The following WWTR1 variants were observed in gnomAD, a reference collection of about 807,000 sequenced individuals.
The protein encoded by WWTR1 is WW domain-containing transcription regulator protein 1.
In WWTR1, 13 loss-of-function variants were observed where a neutral mutation model predicts 40.1. The observed-to-expected ratio is 0.32, with a 90% CI of 0.21 to 0.52. The LOEUF (loss-of-function observed/expected upper bound fraction) is 0.52. WWTR1 is among the 20% of genes least tolerant of loss of function. WWTR1 has a pLI of 0.97. For missense variants in WWTR1, 436 were observed against 523.1 expected, an observed-to-expected ratio of 0.83 and a Z score of 1.63; for synonymous variants, 230 against 210.1, an observed-to-expected ratio of 1.09 and a Z score of -0.82.
intron 4 of WWTR1, chr3:149,540,300 C>T (rs77792453): frequency 0.032 from 14,839 of 456,634 alleles, 315 homozygotes; most frequent in Non-Finnish European, 0.048. Context: ...TAATATGAAC[C>T]ATCAGTACTA....
chr3:149,650,877 C>T (rs1712827841), intron 2 of WWTR1, among the ~76,000 whole-genome samples: 1 of 152,186 alleles, frequency 6.6e-6, no homozygotes, highest in African/African-American at 2.4e-5. Flanking sequence ...ACTCCAGATC[C>T]AGGTTGTCCC....
intron 3 of WWTR1, among the ~76,000 whole-genome samples, chr3:149,557,061 C>CTTTTTT (rs3044118): frequency 0.016 from 1,053 of 64,350 alleles, 239 homozygotes; most frequent in East Asian, 0.093. Context: ...CTGGAATCTT[C>CTTTTTT]TTTTTTTTTT....
chr3:149,550,243 C>A (rs962570565), intron 3 of WWTR1, among the ~76,000 whole-genome samples: 2 of 152,054 alleles, frequency 1.3e-5, no homozygotes, highest in Non-Finnish European at 2.9e-5. Flanking sequence ...TATAATGTGT[C>A]CCAGGGGAAT....
intron 2 of WWTR1, among the ~76,000 whole-genome samples, chr3:149,602,008 C>G (rs986989323): frequency 2.0e-5 from 3 of 152,172 alleles, no homozygotes; most frequent in East Asian, 3.8e-4. Context: ...TTATTTCTAT[C>G]AGATTTTAAA....
Position 149,520,461 on chromosome 3 carries a change from A to G in WWTR1, c.*344T>C, listed in dbSNP as rs1734990559. On this transcript the variant is annotated 3_prime_UTR_variant, in exon 7 of 7. Transcript: ENST00000360632. ...GTCAGCTTTTTATGGTTTAAAATCA[A>G]TTGGTGTATAAATTTCAATTAACAC... 5.6e-6 allele frequency: 1 copy of G among 178,016 alleles called. No homozygotes were observed. The highest frequency in any genetic ancestry group is 2.3e-5 in the African/African-American group (1 of 42,580). The allele number at this position is 178,016 out of a possible 1,614,324, so 11.0% of individuals were successfully genotyped here.
At chr3:149,557,930 G>A (rs1736904731) in intron 3 of WWTR1, among the ~76,000 whole-genome samples, 1 of 151,190 alleles carries the variant, frequency 6.6e-6, no homozygotes, top group Admixed American at 6.6e-5. Context: ...TTGGACCAGG[G>A]AGGTGGATGT....
chr3:149,575,526 T>C (rs1737839489), intron 2 of WWTR1, among the ~76,000 whole-genome samples: 1 of 152,218 alleles, frequency 6.6e-6, no homozygotes, highest in South Asian at 2.1e-4. Context: ...TCATGGATAT[T>C]GATGCTGTGC....
chr3:149,528,911 C>T (rs918351995), intron 4 of WWTR1, among the ~76,000 whole-genome samples: 6 of 152,136 alleles, frequency 3.9e-5, no homozygotes, highest in Non-Finnish European at 8.8e-5. Context: ...TTAGCAGAAA[C>T]AAATAATACA....
chr3:149,520,742 A>G lies in WWTR1; in HGVS notation c.*63T>C, dbSNP rs1735001616. On this transcript the variant is annotated 3_prime_UTR_variant, in exon 7 of 7. Coordinates refer to ENST00000360632, the MANE Select transcript of WWTR1 (RefSeq NM_015472.6). Reference sequence around the variant, plus strand: ...ACCTGCAGACTTGCTCTGCTCCATCACTTTTTCCAAGAGGCCCAGGAAATG... The same window carrying G: ...ACCTGCAGACTTGCTCTGCTCCATCGCTTTTTCCAAGAGGCCCAGGAAATG... 7 of 1,438,170 alleles carry G rather than the reference A, an allele frequency of 4.9e-6. No homozygotes were observed. Among genetic ancestry groups the G allele is most frequent in the Non-Finnish European group, 6.4e-6 (7 of 1,089,672 alleles). The allele number at this position is 1,438,170 out of a possible 1,614,324, so 89.1% of individuals were successfully genotyped here. A position where few individuals can be genotyped will look rare whatever the true frequency, so the allele number is the denominator to read the frequency against.
chr3:149,678,062 C>T (rs1243400232), intron 1 of WWTR1, among the ~76,000 whole-genome samples: 3 of 152,124 alleles, frequency 2.0e-5, no homozygotes, highest in African/African-American at 7.2e-5. Flanking sequence ...GGGGCCACCA[C>T]ACCCAGCCAG....
At chr3:149,563,511 G>A (rs552294903) in intron 3 of WWTR1, among the ~76,000 whole-genome samples, 4 of 152,258 alleles carry the variant, frequency 2.6e-5, no homozygotes, top group East Asian at 1.9e-4. Flanking sequence ...CTGGGAAGCC[G>A]CTTCAGCATT....
At chr3:149,580,718 T>G (rs993163176) in intron 2 of WWTR1, among the ~76,000 whole-genome samples, 2 of 152,216 alleles carry the variant, frequency 1.3e-5, no homozygotes, top group Non-Finnish European at 2.9e-5. Flanking sequence ...GTTCAGGCAA[T>G]TCTCCTCCTT....
chr3:149,523,692 T>C (rs1281069759), intron 6 of WWTR1, among the ~76,000 whole-genome samples: 1 of 152,196 alleles, frequency 6.6e-6, no homozygotes, highest in African/African-American at 2.4e-5. Flanking sequence ...GCAAATGGAG[T>C]GCTCAGCTGG....
chr3:149,658,002 C>T lies in WWTR1; in HGVS notation c.-241G>A. 1 of 153,378 alleles carries T rather than the reference C, an allele frequency of 6.5e-6. No individual in the cohort carries two copies. The highest frequency in any genetic ancestry group is 1.5e-5 in the Non-Finnish European group (1 of 68,908). 9.5% of individuals were successfully genotyped at this position (153,378 alleles called of 1,614,324 possible). ...AAGGAGGCGCAGGAGAAGCAGACAG[C>T]GCGGCCGCAGCAGCTCCCGGACTGT... On this transcript the variant is annotated 5_prime_UTR_variant, in exon 1 of 7. Transcript: ENST00000360632.
intron 2 of WWTR1, among the ~76,000 whole-genome samples, chr3:149,621,318 T>A (rs147737271): frequency 5.9e-5 from 9 of 152,354 alleles, no homozygotes; most frequent in African/African-American, 1.9e-4. Flanking sequence ...GAAGTCTTTG[T>A]GAAACTACAT....
intron 5 of WWTR1, among the ~76,000 whole-genome samples, chr3:149,527,635 T>G (rs944731805): frequency 3.9e-5 from 6 of 152,180 alleles, no homozygotes; most frequent in Non-Finnish European, 7.3e-5. Flanking sequence ...TATCACCAAT[T>G]TTTTAATTTG....
chr3:149,628,845 C>T (rs542956045), intron 2 of WWTR1, among the ~76,000 whole-genome samples: 1 of 151,796 alleles, frequency 6.6e-6, no homozygotes, highest in Admixed American at 6.6e-5. Flanking sequence ...ATGATAACAG[C>T]TCACTACAGC....
chr3:149,590,622 G>A (rs1486884262), intron 2 of WWTR1, among the ~76,000 whole-genome samples: 1 of 152,150 alleles, frequency 6.6e-6, no homozygotes, highest in Non-Finnish European at 1.5e-5. Context: ...CTCCAGCCTG[G>A]GTGACAAGAG....
intron 1 of WWTR1, among the ~76,000 whole-genome samples, chr3:149,684,205 A>G (rs1024716530): frequency 6.6e-6 from 1 of 152,108 alleles, no homozygotes; most frequent in Non-Finnish European, 1.5e-5. Flanking sequence ...TCACATAAGT[A>G]GAGACAGGGT....
Sources: gnomAD v4.1 joint callset for allele counts (sites outside exome capture counted in the v4.1 genomes callset) on GRCh38, gnomAD v4.1.1 for gene constraint, MANE v1.5 for transcripts, NCBI Gene and HGNC (gene_info 2026-07-23, HGNC 2026-07-21) for gene names.